SLC39A10: variants seen among roughly 807,000 people sequenced by gnomAD.
SLC39A10 encodes zinc transporter ZIP10.
In SLC39A10, 13 loss-of-function variants were observed where a neutral mutation model predicts 65.1. That is an observed-to-expected ratio of 0.20 (90% CI 0.13 to 0.32). The LOEUF (loss-of-function observed/expected upper bound fraction) is 0.32, where lower values mean the gene tolerates loss of function less well. Among genes scored for constraint, SLC39A10 ranks in the 10% least tolerant of loss-of-function variants. SLC39A10 has a pLI of 1.00. For missense variants in SLC39A10, 831 were observed against 1,018.4 expected (o/e 0.82, Z 2.50); for synonymous variants, 321 against 342.2 (o/e 0.94, Z 0.68).
chr2:195,618,957 A>G (rs1324457865), intron 2 of SLC39A10, among the ~76,000 whole-genome samples: 1 of 151,832 alleles, frequency 6.6e-6, no homozygotes, highest in African/African-American at 2.4e-5. Context: ...GCCTGGCATG[A>G]TGGCGGGTGC....
Position 195,723,476 on chromosome 2 carries a change from C to T in SLC39A10, c.2147-4683C>T, listed in dbSNP as rs529260162. 5.3e-5 allele frequency among the ~76,000 whole-genome samples: 8 copies of T among 152,140 alleles called. No individual in the cohort carries two copies. The South Asian group carries it at 1.7e-3, about 32-fold the overall frequency. The stretch of plus-strand genomic sequence containing the variant: ...GAAGACAGCCGCTTCCAGGTTTGAA[C>T]TCAGGACAGATCAACCACCTGAGTG... On this transcript the variant is annotated intron_variant, in intron 8 of 9. Transcript: ENST00000359634.
chr2:195,624,080 T>A (rs1019168601), intron 2 of SLC39A10, among the ~76,000 whole-genome samples: 2 of 152,154 alleles, frequency 1.3e-5, no homozygotes, highest in African/African-American at 4.8e-5. Flanking sequence ...TCCCTTCAGC[T>A]GTATTTGTAT....
At chr2:195,630,299 A>G (rs1688560759) in intron 2 of SLC39A10, among the ~76,000 whole-genome samples, 1 of 151,870 alleles carries the variant, frequency 6.6e-6, no homozygotes, top group South Asian at 2.1e-4. Flanking sequence ...TCAGTGTAGC[A>G]TGTTTGTTGG....
At chr2:195,659,353 C>G (rs185499103) in intron 1 of SLC39A10, among the ~76,000 whole-genome samples, 2 of 152,170 alleles carry the variant, frequency 1.3e-5, no homozygotes, top group African/African-American at 2.4e-5. Context: ...AAAGCTAACA[C>G]GGTCCTTCCC....
At chr2:195,711,441 T>C (rs1691598686) in intron 5 of SLC39A10, among the ~76,000 whole-genome samples, 2 of 152,174 alleles carry the variant, frequency 1.3e-5, no homozygotes, top group African/African-American at 2.4e-5. Flanking sequence ...GAAGAACACC[T>C]TGGATGCAGG....
At chr2:195,729,077 A>G (rs907528388) in intron 9 of SLC39A10, among the ~76,000 whole-genome samples, 5 of 151,712 alleles carry the variant, frequency 3.3e-5, no homozygotes, top group African/African-American at 4.8e-5. Flanking sequence ...GGCTCAAGCA[A>G]TCCTCCTGCC....
chr2:195,671,874 C>G (rs2105752518), intron 1 of SLC39A10, among the ~76,000 whole-genome samples: 1 of 152,248 alleles, frequency 6.6e-6, no homozygotes, highest in African/African-American at 2.4e-5. Context: ...TTTCTCTTTC[C>G]CTGTTGGCTG....
intron 1 of SLC39A10, among the ~76,000 whole-genome samples, chr2:195,672,694 A>T (rs1487742186): frequency 2.0e-5 from 3 of 152,180 alleles, no homozygotes; most frequent in Non-Finnish European, 4.4e-5. Flanking sequence ...AACCATCTAC[A>T]GCTTTTGTGT....
intron 3 of SLC39A10, among the ~76,000 whole-genome samples, chr2:195,689,848 T>A (rs1447105089): frequency 6.6e-6 from 1 of 152,194 alleles, no homozygotes; most frequent in Non-Finnish European, 1.5e-5. Context: ...CACTTAGCAT[T>A]ATGTCCTCAA....
Position 195,728,280 on chromosome 2 carries a change from C to G in SLC39A10, c.2268C>G (p.Ala756=). 1 of 1,614,030 alleles carries G rather than the reference C, an allele frequency of 6.2e-7. No individual in the cohort carries two copies. Among genetic ancestry groups the G allele is most frequent in the East Asian group, 2.2e-5 (1 of 44,870 alleles). ...TAGGCACAGCTGTTGGTCAGTATGC[C>G]AATAACATCACACTTTGGATCTTTG... ...MLIGTAVGQY[A]NNITLWIFAV... Residue 756 remains alanine (A), a synonymous_variant, in exon 9 of 10, where the codon GCC becomes GCG. Transcript: ENST00000359634. This position sits in a 1 kb window ranked among gnomAD's most constrained non-coding sequence, Gnocchi z 4.4.
chr2:195,646,626 C>T (rs13032669), intron 2 of SLC39A10, among the ~76,000 whole-genome samples: 1 of 149,896 alleles, frequency 6.7e-6, no homozygotes, highest in Admixed American at 6.6e-5. Flanking sequence ...CCACCCACCT[C>T]CCCCCACCAC....
intron 6 of SLC39A10, 78 bp downstream of exon 6, chr2:195,713,631 C>T: frequency 1.4e-6 from 2 of 1,401,498 alleles, no homozygotes; most frequent in Non-Finnish European, 1.9e-6. Flanking sequence ...TTTCTATTTA[C>T]ATTCATTCAA....
chr2:195,692,516 G>A (rs181302664), intron 3 of SLC39A10, among the ~76,000 whole-genome samples: 2 of 152,134 alleles, frequency 1.3e-5, no homozygotes, highest in South Asian at 2.1e-4. Flanking sequence ...CATCTATGAT[G>A]TCTTTCAGCA....
rs1427668799 is a variant in SLC39A10 at position 195,683,893 on chromosome 2, T to C, written c.1203T>C (p.Asn401=). The change falls in exon 3 of 10, where the codon AAT becomes AAC. Residue 401 remains asparagine, a synonymous_variant. Transcript: ENST00000359634. The part of the protein sequence containing the change: ...DKNLVPEDEA[N]IGASAWICGI... Reference sequence around the variant, plus strand: ...ACCTGGTTCCTGAAGATGAGGCAAATATAGGGGCATCAGGTAAGAGAGATT... The same window carrying C: ...ACCTGGTTCCTGAAGATGAGGCAAACATAGGGGCATCAGGTAAGAGAGATT... 6.2e-7 allele frequency: 1 copy of C among 1,611,512 alleles called. No individual in the cohort carries two copies. Among genetic ancestry groups the C allele is most frequent in the Non-Finnish European group, 8.5e-7 (1 of 1,178,716 alleles).
intron 2 of SLC39A10, among the ~76,000 whole-genome samples, chr2:195,646,884 C>A (rs1688930966): frequency 1.3e-5 from 2 of 152,138 alleles, no homozygotes; most frequent in South Asian, 4.1e-4. Flanking sequence ...ATCCCGAAGC[C>A]ATCCCCCTGC....
At chr2:195,723,637 A>T (rs1559050478) in intron 8 of SLC39A10, among the ~76,000 whole-genome samples, 1 of 152,102 alleles carries the variant, frequency 6.6e-6, no homozygotes, top group Non-Finnish European at 1.5e-5. Flanking sequence ...GGATGTTGGG[A>T]TATGAGTGGG....
At chr2:195,719,500 A>C (rs935084542) in intron 8 of SLC39A10, among the ~76,000 whole-genome samples, 2 of 152,124 alleles carry the variant, frequency 1.3e-5, no homozygotes, top group Non-Finnish European at 2.9e-5. Context: ...TGAGATATAC[A>C]CTCAGAAACA....
chr2:195,686,914 T>C (rs1179148598), intron 3 of SLC39A10, among the ~76,000 whole-genome samples: 1 of 152,222 alleles, frequency 6.6e-6, no homozygotes, highest in Non-Finnish European at 1.5e-5. Flanking sequence ...TATAGAATTA[T>C]TTTTAGTAGT....
At chr2:195,643,053 T>C (rs973296706) in intron 2 of SLC39A10, among the ~76,000 whole-genome samples, 1 of 152,236 alleles carries the variant, frequency 6.6e-6, no homozygotes, top group Non-Finnish European at 1.5e-5. Flanking sequence ...AAAAGCACTA[T>C]TCTTTGCTTA....
Sources: allele counts gnomAD v4.1 joint callset (sites outside exome capture counted in the v4.1 genomes callset), GRCh38; gene constraint gnomAD v4.1.1; non-coding constraint Gnocchi (gnomAD v3.1); transcripts MANE v1.5; gene names NCBI Gene and HGNC (gene_info 2026-07-23, HGNC 2026-07-21).